TRIM9: variants seen among roughly 807,000 people sequenced by gnomAD.
The protein encoded by TRIM9 is E3 ubiquitin-protein ligase TRIM9.
Under a neutral mutation model 78.3 loss-of-function variants are expected in TRIM9, and 26 were observed. The observed-to-expected ratio is 0.33, with a 90% CI of 0.24 to 0.46. The LOEUF (loss-of-function observed/expected upper bound fraction) is 0.46, where lower values mean the gene tolerates loss of function less well. Among genes scored for constraint, TRIM9 ranks in the 20% least tolerant of loss-of-function variants. The probability of loss-of-function intolerance (pLI) is 1.00; values close to 1 mark genes in which losing one functional copy is unlikely to be tolerated. For synonymous variants in TRIM9, 398 were observed against 416.5 expected, an observed-to-expected ratio of 0.96 and a Z score of 0.54; for missense variants, 787 against 1,036.4, an observed-to-expected ratio of 0.76 and a Z score of 3.30.
rs2051052560 is a variant in TRIM9, at chr14:50,975,834, G to A, written c.*1457C>T. On this transcript the variant is annotated 3_prime_UTR_variant, in exon 13 of 13. Transcript: ENST00000684578. ...TTATGACAAACTAATGAATTTCAAG[G>A]GTAACCTATGTAAGTCTATCTCTAT... is the stretch of plus-strand genomic sequence containing the variant. 1 of 152,472 alleles carries A rather than the reference G, an allele frequency of 6.6e-6. No homozygotes were observed. The highest frequency in any genetic ancestry group is 2.4e-5 in the African/African-American group (1 of 41,388). 9.4% of individuals were successfully genotyped at this position (152,472 alleles called of 1,614,324 possible).
At chr14:51,075,461 T>C (rs55681440) in intron 1 of TRIM9, among the ~76,000 whole-genome samples, 42,853 of 152,136 alleles carry the variant, frequency 0.28, 6,748 homozygotes, top group African/African-American at 0.42. Flanking sequence ...GAAAATTATA[T>C]ACCAAAGATT....
At chr14:50,997,945 A>C (rs2054436471) in intron 7 of TRIM9, 105 bp downstream of exon 7, 1 of 1,548,028 alleles carries the variant, frequency 6.5e-7, no homozygotes. Context: ...CAAGTCATGG[A>C]AACACTTCAG....
At chr14:50,981,679 T>G in intron 11 of TRIM9, 121 bp downstream of exon 11, 1 of 1,308,092 alleles carries the variant, frequency 7.6e-7, no homozygotes, top group Non-Finnish European at 1.1e-6. Flanking sequence ...CTGTGCTACT[T>G]AATGTAGACC....
At chr14:51,007,141 C>T (rs551432687) in intron 5 of TRIM9, among the ~76,000 whole-genome samples, 1 of 152,318 alleles carries the variant, frequency 6.6e-6, no homozygotes, top group South Asian at 2.1e-4. Flanking sequence ...CCTGCCCCCT[C>T]ACTGAGGCTA....
chr14:51,017,724 G>C (rs1291084908), intron 3 of TRIM9, among the ~76,000 whole-genome samples: 1 of 152,216 alleles, frequency 6.6e-6, no homozygotes, highest in Non-Finnish European at 1.5e-5. Context: ...GGAGGTAAGA[G>C]GTGTCACCCA....
intron 10 of TRIM9, chr14:50,982,726 A>G (rs2139315119): frequency 1.9e-6 from 1 of 513,850 alleles, no homozygotes; most frequent in East Asian, 2.9e-5. Flanking sequence ...TACTCCTGAA[A>G]CTAACACGTC....
At chr14:51,021,809 A>T (rs1270145302) in intron 3 of TRIM9, among the ~76,000 whole-genome samples, 1 of 152,172 alleles carries the variant, frequency 6.6e-6, no homozygotes, top group Non-Finnish European at 1.5e-5. Flanking sequence ...TGATAGATGG[A>T]ATATCAGATG....
At position 51,014,505 on chromosome 14, in the gene TRIM9, G is replaced by A. The variant is rs945276734; in HGVS notation, c.1042-4011C>T. Among the ~76,000 whole-genome samples the A allele has an allele frequency of 5.3e-5, 8 of 152,116 alleles. No individual in the cohort carries two copies. The South Asian group carries it at 6.2e-4, about 12-fold the overall frequency. ...CAATAGCTTGTGATAAAATCACTGC[G>A]AAAAATTAAACTATGGGGTTCCCAA... On this transcript the variant is annotated intron_variant, in intron 3 of 12. Transcript: ENST00000684578.
intron 1 of TRIM9, among the ~76,000 whole-genome samples, chr14:51,042,538 A>C (rs947878419): frequency 6.6e-5 from 10 of 152,224 alleles, no homozygotes; most frequent in African/African-American, 2.4e-4. Flanking sequence ...AATTTTCATT[A>C]ATGTTGAGAA....
intron 7 of TRIM9, among the ~76,000 whole-genome samples, chr14:50,991,501 G>A (rs1424888376): frequency 6.6e-6 from 1 of 152,146 alleles, no homozygotes; most frequent in Non-Finnish European, 1.5e-5. Context: ...TTTTGGAGAG[G>A]CCCAGATGCT....
chr14:50,977,419 C>A, intron 12 of TRIM9, 66 bp from the exon 13 acceptor site: 1 of 1,259,820 alleles, frequency 7.9e-7, no homozygotes, highest in Admixed American at 3.0e-5. Flanking sequence ...CACAGTGTAC[C>A]GTGGGTGTGT....
At chr14:50,996,218 A>C in intron 7 of TRIM9, 1 of 985,380 alleles carries the variant, frequency 1.0e-6, no homozygotes, top group South Asian at 4.7e-5. Flanking sequence ...TTCATGGAGG[A>C]AATTAATTTC....
intron 1 of TRIM9, among the ~76,000 whole-genome samples, chr14:51,042,156 T>C (rs1051189673): frequency 6.6e-6 from 1 of 152,232 alleles, no homozygotes; most frequent in Non-Finnish European, 1.5e-5. Context: ...AGCATGATGA[T>C]GCATTATGCT....
chr14:50,978,766 G>GTT (rs201835548), intron 12 of TRIM9: 959 of 326,972 alleles, frequency 2.9e-3, no homozygotes, highest in African/African-American at 6.0e-3. Flanking sequence ...CTGTTTTTTT[G>GTT]TTTTTTTTTT....
intron 1 of TRIM9, among the ~76,000 whole-genome samples, chr14:51,059,856 C>G (rs28409499): frequency 0.06 from 9,074 of 151,942 alleles, 287 homozygotes; most frequent in East Asian, 0.09. Flanking sequence ...AAACAAAACT[C>G]TGCTCTATTC....
chr14:51,025,921 G>A (rs1399552625), intron 1 of TRIM9, among the ~76,000 whole-genome samples: 1 of 152,138 alleles, frequency 6.6e-6, no homozygotes, highest in African/African-American at 2.4e-5. Flanking sequence ...CAGCCCTGCT[G>A]CCCTAGCACA....
Position 50,997,766 on chromosome 14 carries a change from C to T in TRIM9, c.1603+284G>A, listed in dbSNP as rs138556152. On this transcript the variant is annotated intron_variant, in intron 7 of 12. Transcript: ENST00000684578. ...TTACACACCAGGGGCACATTCAGGC[C>T]TTCATTTTTCAGCTTCTTCAACTGC... The T allele has an allele frequency of 1.4e-4, 186 of 1,348,602 alleles. No individual in the cohort carries two copies. The African/African-American group carries it at 2.2e-3, about 16-fold the overall frequency. The allele number at this position is 1,348,602 out of a possible 1,614,324, so 83.5% of individuals were successfully genotyped here. A position where few individuals can be genotyped will look rare whatever the true frequency, so the allele number is the denominator to read the frequency against.
intron 8 of TRIM9, 83 bp from the exon 9 acceptor site, chr14:50,983,504 G>A (rs2052273706): frequency 9.9e-7 from 1 of 1,011,244 alleles, no homozygotes; most frequent in Admixed American, 2.5e-5. Flanking sequence ...AAAAGCACCA[G>A]TTGAATATAG....
At chr14:51,068,888 T>A (rs1301789685) in intron 1 of TRIM9, among the ~76,000 whole-genome samples, 1 of 152,228 alleles carries the variant, frequency 6.6e-6, no homozygotes, top group African/African-American at 2.4e-5. Context: ...AAGTGAAGCA[T>A]TAATTAACAT....
Sources: allele counts gnomAD v4.1 joint callset (sites outside exome capture counted in the v4.1 genomes callset), GRCh38; gene constraint gnomAD v4.1.1; transcripts MANE v1.5; gene names NCBI Gene and HGNC (gene_info 2026-07-23, HGNC 2026-07-21).